Variants in KIAA0825 observed in about 807,000 individuals in gnomAD.
KIAA0825 encodes KIAA0825.
In KIAA0825, 119 loss-of-function variants were observed where a neutral mutation model predicts 147.6. The observed-to-expected ratio is 0.81, with a 90% CI of 0.69 to 0.94. The LOEUF (loss-of-function observed/expected upper bound fraction) is 0.94. Among genes scored for constraint, KIAA0825 ranks in the 40% least tolerant of loss-of-function variants. The pLI, the probability that KIAA0825 is intolerant of heterozygous loss-of-function variation, is 0.00. For synonymous variants in KIAA0825, 470 were observed against 518.1 expected, an observed-to-expected ratio of 0.91 and a Z score of 1.26; for missense variants, 1,381 against 1,472.7, an observed-to-expected ratio of 0.94 and a Z score of 1.02.
intron 20 of KIAA0825, among the ~76,000 whole-genome samples, chr5:94,165,670 A>G (rs1562291333): frequency 6.6e-6 from 1 of 152,232 alleles, no homozygotes; most frequent in Non-Finnish European, 1.5e-5. Flanking sequence ...ATATTTGACC[A>G]TAAAAAAGAA....
At chr5:94,614,087 A>G (rs1218023382) in intron 1 of KIAA0825, among the ~76,000 whole-genome samples, 4 of 152,230 alleles carry the variant, frequency 2.6e-5, no homozygotes, top group Non-Finnish European at 5.9e-5. Flanking sequence ...GTTATAACAT[A>G]TTCATAAAAT....
At chr5:94,348,131 A>G (rs1215852233) in intron 20 of KIAA0825, among the ~76,000 whole-genome samples, 1 of 152,144 alleles carries the variant, frequency 6.6e-6, no homozygotes, top group Non-Finnish European at 1.5e-5. Flanking sequence ...AAAGCCTCCA[A>G]TAAATCTGGG....
At chr5:94,588,183 T>C (rs1241860048) in intron 1 of KIAA0825, among the ~76,000 whole-genome samples, 4 of 152,100 alleles carry the variant, frequency 2.6e-5, no homozygotes, top group East Asian at 1.9e-4. Flanking sequence ...AAAGCCAAAA[T>C]AGACAAATGG....
intron 20 of KIAA0825, among the ~76,000 whole-genome samples, chr5:94,374,396 A>C (rs1326032034): frequency 6.6e-6 from 1 of 152,172 alleles, no homozygotes; most frequent in African/African-American, 2.4e-5. Context: ...ATTCCTGTTA[A>C]CATATATAAC....
chr5:94,515,664 C>T (rs1429887875), intron 5 of KIAA0825, among the ~76,000 whole-genome samples: 4 of 151,862 alleles, frequency 2.6e-5, no homozygotes, highest in Admixed American at 1.3e-4. Context: ...TGGTGGCAGG[C>T]GCCTGTGATC....
At chr5:94,502,546 G>C (rs1242088274) in intron 5 of KIAA0825, among the ~76,000 whole-genome samples, 1 of 152,090 alleles carries the variant, frequency 6.6e-6, no homozygotes, top group Non-Finnish European at 1.5e-5. Flanking sequence ...ATTAAACAAA[G>C]TGTGAATAAG....
rs1237400443 is a variant in KIAA0825 at position 94,168,876 on chromosome 5, T to C, written c.3711-14752A>G. The stretch of plus-strand genomic sequence containing the variant: ...GGAAATTTTCATGGACTATGCTCTA[T>C]AGACACTTGGTGTTTATTCCATATA... On this transcript the variant is annotated intron_variant, in intron 20 of 20. Coordinates refer to ENST00000682413, the MANE Select transcript of KIAA0825 (RefSeq NM_001145678.3). Among the ~76,000 whole-genome samples, 4 of 152,242 alleles carry C rather than the reference T, an allele frequency of 2.6e-5. No homozygotes were observed. In the East Asian group the frequency reaches 5.8e-4, roughly 22 times the overall value.
intron 13 of KIAA0825, among the ~76,000 whole-genome samples, chr5:94,442,630 T>G (rs1757232035): frequency 6.6e-6 from 1 of 152,278 alleles, no homozygotes; most frequent in Non-Finnish European, 1.5e-5. Context: ...TCCTAAACCC[T>G]AAACACTGAT....
rs1425057884 is a variant in KIAA0825 at position 94,475,104 on chromosome 5, T to A, written c.1228-1585A>T. Among the ~76,000 whole-genome samples the A allele has an allele frequency of 3.3e-5, 5 of 150,298 alleles. 1 individual carries two copies. The South Asian group carries it at 6.4e-4, about 19-fold the overall frequency. On this transcript the variant is annotated intron_variant, in intron 7 of 20. Coordinates refer to ENST00000682413, the MANE Select transcript of KIAA0825 (RefSeq NM_001145678.3). ...ACTCCATCTCAAAAAAAAAAAAAAA[T>A]TCATCAAAAACTGAATCTGCTCAAC...
chr5:94,207,566 T>A (rs551489278), intron 20 of KIAA0825, among the ~76,000 whole-genome samples: 24 of 152,350 alleles, frequency 1.6e-4, no homozygotes, highest in African/African-American at 5.1e-4. Context: ...TATTTTATTT[T>A]TTCAAGTGCA....
intron 20 of KIAA0825, among the ~76,000 whole-genome samples, chr5:94,345,825 C>G (rs1452250803): frequency 1.1e-4 from 17 of 152,188 alleles, no homozygotes; most frequent in Admixed American, 4.6e-4. Context: ...AAAAACCGAG[C>G]TCTCCGAGTG....
intron 20 of KIAA0825, among the ~76,000 whole-genome samples, chr5:94,165,870 G>T (rs1308182014): frequency 6.6e-6 from 1 of 152,204 alleles, no homozygotes; most frequent in Non-Finnish European, 1.5e-5. Flanking sequence ...GTAGTGAGGG[G>T]CTGAGGGTGA....
At chr5:94,468,294 T>G (rs1440004448) in intron 10 of KIAA0825, among the ~76,000 whole-genome samples, 1 of 152,204 alleles carries the variant, frequency 6.6e-6, no homozygotes, top group Non-Finnish European at 1.5e-5. Flanking sequence ...GAACATATAG[T>G]GAGATGATAC....
intron 12 of KIAA0825, among the ~76,000 whole-genome samples, 165 bp downstream of exon 12, chr5:94,462,222 G>C (rs1759928020): frequency 6.6e-6 from 1 of 151,838 alleles, no homozygotes; most frequent in South Asian, 2.1e-4. Flanking sequence ...ATGAAACTCT[G>C]TTGGTTGGTG....
At chr5:94,480,254 T>G (rs1218286298) in intron 6 of KIAA0825, among the ~76,000 whole-genome samples, 1 of 152,110 alleles carries the variant, frequency 6.6e-6, no homozygotes, top group Non-Finnish European at 1.5e-5. Context: ...ATTCCTCTAG[T>G]AGAAATAACA....
rs1263069802 is a variant in KIAA0825, at chr5:94,467,130, C to T, written c.1873-2071G>A. 5.3e-5 allele frequency among the ~76,000 whole-genome samples: 8 copies of T among 152,264 alleles called. No individual in the cohort carries two copies. The East Asian group carries it at 1.2e-3, about 22-fold the overall frequency. On this transcript the variant is annotated intron_variant, in intron 10 of 20. Coordinates refer to ENST00000682413, the MANE Select transcript of KIAA0825 (RefSeq NM_001145678.3). ...TTTCTTCCCTTAAAAGTAAAAAATA[C>T]TCATTTTAAGACTTTTTAAAATATA...
intron 20 of KIAA0825, among the ~76,000 whole-genome samples, chr5:94,338,265 A>G (rs1048014702): frequency 2.0e-5 from 3 of 152,192 alleles, no homozygotes; most frequent in Admixed American, 6.5e-5. Flanking sequence ...ATGCTACAGT[A>G]TTTTGGGCTT....
chr5:94,598,171 C>T (rs1785656959), intron 1 of KIAA0825, among the ~76,000 whole-genome samples: 1 of 151,852 alleles, frequency 6.6e-6, no homozygotes, highest in Admixed American at 6.6e-5. Flanking sequence ...TGTGTAATAA[C>T]AGTTAGCATA....
intron 20 of KIAA0825, among the ~76,000 whole-genome samples, chr5:94,158,254 A>G (rs1767225209): frequency 6.6e-6 from 1 of 152,116 alleles, no homozygotes; most frequent in African/African-American, 2.4e-5. Flanking sequence ...CAATAATGTC[A>G]GAGTTTAGTA....
Sources: gnomAD v4.1 joint callset for allele counts (sites outside exome capture counted in the v4.1 genomes callset) on GRCh38, gnomAD v4.1.1 for gene constraint, MANE v1.5 for transcripts, NCBI Gene and HGNC (gene_info 2026-07-23, HGNC 2026-07-21) for gene names.